ZDHHC21: variants seen among roughly 807,000 people sequenced by gnomAD.
The protein encoded by ZDHHC21 is zDHHC palmitoyltransferase 21.
ZDHHC21 carries 15 observed loss-of-function variants against 34.6 expected under a neutral mutation model. The observed-to-expected ratio is 0.43, with a 90% confidence interval of 0.29 to 0.67. The LOEUF is 0.67. Ranked by LOEUF, ZDHHC21 falls within the 30% of genes least tolerant of loss-of-function variation. The pLI, the probability that ZDHHC21 is intolerant of heterozygous loss-of-function variation, is 0.14. For synonymous variants in ZDHHC21, 142 were observed against 101.8 expected (o/e 1.40, Z -2.38); for missense variants, 344 against 327.7 (o/e 1.05, Z -0.38).
chr9:14,667,386 A>C (rs1412481471), intron 5 of ZDHHC21, among the ~76,000 whole-genome samples: 1 of 152,004 alleles, frequency 6.6e-6, no homozygotes, highest in Non-Finnish European at 1.5e-5. Flanking sequence ...AGAGTCCAGG[A>C]CCAGATGGAT....
chr9:14,651,276 A>G (rs1831191123), intron 7 of ZDHHC21, among the ~76,000 whole-genome samples: 1 of 151,930 alleles, frequency 6.6e-6, no homozygotes, highest in African/African-American at 2.4e-5. Context: ...AAGAGCAGAT[A>G]TTATGATGTT....
At chr9:14,686,952 G>A (rs1207278134) in intron 2 of ZDHHC21, among the ~76,000 whole-genome samples, 5 of 144,190 alleles carry the variant, frequency 3.5e-5, no homozygotes, top group African/African-American at 8.2e-5. Context: ...CAGCCTGGGC[G>A]ACAGGGCGAG....
rs1339671672 is a variant in ZDHHC21 at position 14,618,934 on chromosome 9, G to A, written c.*32C>T. The A allele has an allele frequency of 4.5e-6, 7 of 1,550,992 alleles. No individual in the cohort carries two copies. Among genetic ancestry groups the A allele is most frequent in the Middle Eastern group, 1.7e-4 (1 of 5,770 alleles). ...AAAACCTGTAACGCATTGCCAGCAT[G>A]GAGGACCCATCTGTGCCCACCATCC... On this transcript the variant is annotated 3_prime_UTR_variant, in exon 10 of 10. Coordinates refer to ENST00000380916, the MANE Select transcript of ZDHHC21 (RefSeq NM_178566.6).
At chr9:14,648,723 C>T (rs1460910211) in intron 7 of ZDHHC21, among the ~76,000 whole-genome samples, 5 of 151,848 alleles carry the variant, frequency 3.3e-5, no homozygotes, top group African/African-American at 7.3e-5. Context: ...AGAGCCTAGA[C>T]GAAGGGGAAG....
At position 14,680,121 on chromosome 9, in the gene ZDHHC21, C is replaced by T. The variant is rs1472865463; in HGVS notation, c.-134G>A. The T allele has an allele frequency of 6.6e-6, 1 of 152,372 alleles. No individual in the cohort carries two copies. The highest frequency in any genetic ancestry group is 1.5e-5 in the Non-Finnish European group (1 of 67,974). 9.4% of individuals were successfully genotyped at this position (152,372 alleles called of 1,614,324 possible). A position where few individuals can be genotyped will look rare whatever the true frequency, so the allele number is the denominator to read the frequency against. ...TGATTCATTTTTTTTAATTATATCC[C>T]ACCAAATGGATCTCTCTTCAATAAC... On this transcript the variant is annotated 5_prime_UTR_variant, in exon 3 of 10. Coordinates refer to ENST00000380916, the MANE Select transcript of ZDHHC21 (RefSeq NM_178566.6).
intron 8 of ZDHHC21, among the ~76,000 whole-genome samples, chr9:14,632,054 AACACACACAAACAC>A (rs1827444780): frequency 1.4e-5 from 2 of 145,036 alleles, no homozygotes; most frequent in African/African-American, 2.5e-5. Flanking sequence ...AACTAGTTAA[AACACACACAAACAC>A]ACACACACAC....
intron 8 of ZDHHC21, among the ~76,000 whole-genome samples, chr9:14,635,181 T>C (rs958473406): frequency 1.1e-4 from 16 of 152,254 alleles, no homozygotes; most frequent in South Asian, 6.2e-4. Flanking sequence ...ACATGACATA[T>C]TGAATACCAT....
At chr9:14,610,412 A>G (rs1823165012), downstream of ZDHHC21, among the ~76,000 whole-genome samples, 1 of 152,036 alleles carries the variant, frequency 6.6e-6, no homozygotes, top group African/African-American at 2.4e-5. Flanking sequence ...ACTTACCAAT[A>G]AAGCAAAATT....
intron 7 of ZDHHC21, among the ~76,000 whole-genome samples, chr9:14,645,198 T>A (rs887707702): frequency 6.6e-6 from 1 of 152,002 alleles, no homozygotes; most frequent in Non-Finnish European, 1.5e-5. Context: ...TTCTACTAGA[T>A]AACATTTCTT....
At chr9:14,652,213 T>C (rs1248789756) in intron 7 of ZDHHC21, among the ~76,000 whole-genome samples, 1 of 151,966 alleles carries the variant, frequency 6.6e-6, no homozygotes, top group Non-Finnish European at 1.5e-5. Context: ...TTTTTTACAC[T>C]GAGAATTTGG....
At chr9:14,644,628 C>A (rs1393726277) in intron 7 of ZDHHC21, among the ~76,000 whole-genome samples, 1 of 151,914 alleles carries the variant, frequency 6.6e-6, no homozygotes, top group African/African-American at 2.4e-5. Flanking sequence ...TGTCTTCATA[C>A]ACTGAGATGC....
chr9:14,623,505 G>A (rs928672106), intron 8 of ZDHHC21, among the ~76,000 whole-genome samples: 191 of 151,806 alleles, frequency 1.3e-3, no homozygotes, highest in African/African-American at 4.4e-3. Flanking sequence ...CTCCAGCTTA[G>A]GTGATAGAAT....
intron 7 of ZDHHC21, among the ~76,000 whole-genome samples, chr9:14,644,837 C>CACACAT (rs1554766556): frequency 6.7e-6 from 1 of 150,242 alleles, no homozygotes; most frequent in Non-Finnish European, 1.5e-5. Context: ...CACACACACA[C>CACACAT]ATATATATAT....
intron 2 of ZDHHC21, 84 bp downstream of exon 2, chr9:14,690,253 T>TA (rs1838972386): frequency 4.7e-6 from 2 of 427,586 alleles, no homozygotes; most frequent in Non-Finnish European, 9.2e-6. Context: ...GGTAGAAGAC[T>TA]AAATTAGATT....
downstream of ZDHHC21, among the ~76,000 whole-genome samples, chr9:14,608,445 C>G (rs1324415291): frequency 6.6e-6 from 1 of 152,118 alleles, no homozygotes; most frequent in South Asian, 2.1e-4. Context: ...TATCTGAGTG[C>G]TTGGAATTGT....
chr9:14,682,548 T>C (rs1837571872), intron 2 of ZDHHC21, among the ~76,000 whole-genome samples: 2 of 152,142 alleles, frequency 1.3e-5, no homozygotes, highest in African/African-American at 2.4e-5. Flanking sequence ...AGCAAGTCCT[T>C]AGAGACCTAC....
chr9:14,606,791 T>G (rs1362613688), downstream of ZDHHC21, among the ~76,000 whole-genome samples: 2 of 151,992 alleles, frequency 1.3e-5, no homozygotes, highest in African/African-American at 4.8e-5. Context: ...TTACTAACAT[T>G]TGACAAGCAA....
At chr9:14,673,730 A>G in intron 4 of ZDHHC21, among the ~76,000 whole-genome samples, 1 of 136,348 alleles carries the variant, frequency 7.3e-6, no homozygotes, top group East Asian at 2.3e-4. Flanking sequence ...TTTAATCATA[A>G]GCAAGCCATC....
chr9:14,674,013 T>C (rs933331063), intron 4 of ZDHHC21, among the ~76,000 whole-genome samples, 174 bp downstream of exon 4: 2 of 152,030 alleles, frequency 1.3e-5, no homozygotes, highest in Non-Finnish European at 2.9e-5. Flanking sequence ...TAACTGCAAA[T>C]CTATAAAGGC....
Sources: gnomAD v4.1 joint callset for allele counts (sites outside exome capture counted in the v4.1 genomes callset) on GRCh38, gnomAD v4.1.1 for gene constraint, MANE v1.5 for transcripts, NCBI Gene and HGNC (gene_info 2026-07-23, HGNC 2026-07-21) for gene names.